Variants in DOCK5 observed in about 807,000 individuals in gnomAD.
DOCK5 encodes dedicator of cytokinesis protein 5.
DOCK5 carries 142 observed loss-of-function variants against 251.8 expected under a neutral mutation model. That is an observed-to-expected ratio of 0.56 (90% CI 0.49 to 0.65). The LOEUF is 0.65. DOCK5 is among the 30% of genes least tolerant of loss of function. The pLI, the probability that DOCK5 is intolerant of heterozygous loss-of-function variation, is 0.00. For synonymous variants in DOCK5, 842 were observed against 835.5 expected, an observed-to-expected ratio of 1.01 and a Z score of -0.13; for missense variants, 2,111 against 2,312.3, an observed-to-expected ratio of 0.91 and a Z score of 1.79.
At chr8:25,288,334 T>G (rs1161213387) in intron 5 of DOCK5, among the ~76,000 whole-genome samples, 1 of 152,248 alleles carries the variant, frequency 6.6e-6, no homozygotes, top group Non-Finnish European at 1.5e-5. Flanking sequence ...GTCCATCTCC[T>G]TGAAGTGAAT....
intron 40 of DOCK5, among the ~76,000 whole-genome samples, chr8:25,387,214 C>T (rs909748887): frequency 2.1e-4 from 24 of 112,294 alleles, no homozygotes; most frequent in Non-Finnish European, 1.5e-4. Context: ...AGAGGTCTCG[C>T]TCTGTCATCC....
Position 25,184,753 on chromosome 8 carries a change from G to A in DOCK5, c.-156G>A, listed in dbSNP as rs1720626498. On this transcript the variant is annotated 5_prime_UTR_variant, in exon 1 of 52. Coordinates refer to ENST00000276440, the MANE Select transcript of DOCK5 (RefSeq NM_024940.8). ...CGGCGCGGGCACGGGCACGGGCGCGGGCGGCGCGGCGAGGAGGCGGCCCGC... is the reference window on the plus strand; with the variant it reads ...CGGCGCGGGCACGGGCACGGGCGCGAGCGGCGCGGCGAGGAGGCGGCCCGC... 4 of 574,238 alleles carry A rather than the reference G, an allele frequency of 7.0e-6. No homozygotes were observed. Among genetic ancestry groups the A allele is most frequent in the Non-Finnish European group, 9.7e-6 (4 of 411,242 alleles). 35.6% of individuals were successfully genotyped at this position (574,238 alleles called of 1,614,324 possible). A position where few individuals can be genotyped will look rare whatever the true frequency, so the allele number is the denominator to read the frequency against.
chr8:25,398,629 C>T (rs1195470384), intron 45 of DOCK5, among the ~76,000 whole-genome samples: 5 of 152,162 alleles, frequency 3.3e-5, no homozygotes, highest in Admixed American at 6.5e-5. Context: ...TGCTCCGTGG[C>T]TTGAGGATGC....
intron 22 of DOCK5, 94 bp downstream of exon 22, chr8:25,336,467 C>A: frequency 6.9e-7 from 1 of 1,449,682 alleles, no homozygotes; most frequent in Non-Finnish European, 9.4e-7. Flanking sequence ...GCTCTGTGAG[C>A]AGTTAGTTCT....
chr8:25,371,539 GTTTTGT>G (rs1165497334), intron 34 of DOCK5, among the ~76,000 whole-genome samples: 1 of 151,994 alleles, frequency 6.6e-6, no homozygotes, highest in Non-Finnish European at 1.5e-5. Flanking sequence ...AGCCTTTCTT[GTTTTGT>G]TTTTAATAGT....
intron 29 of DOCK5, among the ~76,000 whole-genome samples, chr8:25,364,058 G>A (rs988998024): frequency 3.3e-5 from 5 of 152,212 alleles, no homozygotes; most frequent in Admixed American, 6.5e-5. Context: ...CAACACAGAC[G>A]TGAGCCTGTG....
chr8:25,224,026 T>TTGAA (rs1299673932), intron 1 of DOCK5, among the ~76,000 whole-genome samples: 1 of 152,252 alleles, frequency 6.6e-6, no homozygotes, highest in African/African-American at 2.4e-5. Context: ...TTAATATTTG[T>TTGAA]TGAATGAATG....
chr8:25,400,715 T>G (rs1057005894), intron 46 of DOCK5, among the ~76,000 whole-genome samples: 1 of 152,088 alleles, frequency 6.6e-6, no homozygotes, highest in Non-Finnish European at 1.5e-5. Context: ...TTCCCCAGTT[T>G]AGGGCCAACC....
In DOCK5 at chr8:25,356,907, T is replaced by TTATA. The variant is rs34216387; in HGVS notation, c.2851-2020_2851-2017dup. 1.5e-3 allele frequency among the ~76,000 whole-genome samples: 194 copies of TTATA among 131,286 alleles called. 1 individual carries two copies. The highest frequency in any genetic ancestry group is 3.2e-3 in the South Asian group (12 of 3,796). The allele number at this position is 131,286 out of a possible 152,430, so 86.1% of individuals were successfully genotyped here. A position where few individuals can be genotyped will look rare whatever the true frequency, so the allele number is the denominator to read the frequency against. ...AATTTTAAATCCCTCTATATGAAGA[T>TTATA]TATATATATATATATATATATATAT... On this transcript the variant is annotated intron_variant, in intron 27 of 51. Coordinates refer to ENST00000276440, the MANE Select transcript of DOCK5 (RefSeq NM_024940.8).
Position 25,345,455 on chromosome 8 carries a change from G to C in DOCK5, c.2618-20G>C, listed in dbSNP as rs764881622. On this transcript the variant is annotated intron_variant, in intron 25 of 51. Transcript: ENST00000276440. The stretch of plus-strand genomic sequence containing the variant: ...GAGGTGGCACTGCTGTGTGTGAGCT[G>C]TCTGTGTTTTCCTTCTCAGAGTGCA... 6.2e-7 allele frequency: 1 copy of C among 1,612,802 alleles called. No homozygotes were observed. The highest frequency in any genetic ancestry group is 1.1e-5 in the South Asian group (1 of 91,042).
intron 1 of DOCK5, among the ~76,000 whole-genome samples, chr8:25,200,006 G>C (rs559039437): frequency 6.6e-6 from 1 of 152,160 alleles, no homozygotes; most frequent in South Asian, 2.1e-4. Context: ...CACATTTTCT[G>C]TGAACTTATG....
At chr8:25,235,956 CCTGT>C (rs1356382000) in intron 1 of DOCK5, among the ~76,000 whole-genome samples, 2 of 151,912 alleles carry the variant, frequency 1.3e-5, no homozygotes, top group Non-Finnish European at 2.9e-5. Context: ...TGCTGCCATG[CCTGT>C]CTAATTTTTA....
chr8:25,283,246 T>A (rs1390651554), intron 5 of DOCK5, among the ~76,000 whole-genome samples: 2 of 152,120 alleles, frequency 1.3e-5, no homozygotes, highest in Non-Finnish European at 2.9e-5. Flanking sequence ...ATTATTATTG[T>A]TTTCTGTTGG....
intron 42 of DOCK5, among the ~76,000 whole-genome samples, chr8:25,390,675 G>A (rs940938444): frequency 5.3e-5 from 8 of 152,140 alleles, no homozygotes; most frequent in Non-Finnish European, 8.8e-5. Flanking sequence ...CAAAAGCATC[G>A]CAGAGGAGTG....
chr8:25,355,227 C>T (rs561105102), intron 27 of DOCK5, among the ~76,000 whole-genome samples: 3 of 151,948 alleles, frequency 2.0e-5, no homozygotes, highest in Non-Finnish European at 4.4e-5. Flanking sequence ...GAATGAGAAC[C>T]TGTCTCTATT....
chr8:25,355,120 G>C (rs1205360799), intron 27 of DOCK5, among the ~76,000 whole-genome samples: 1 of 152,192 alleles, frequency 6.6e-6, no homozygotes, highest in Non-Finnish European at 1.5e-5. Context: ...TGTAGCCCCA[G>C]CTGCTTAGGA....
rs199977539 is a variant in DOCK5, at chr8:25,337,478, GA to G, written c.2327+1115del. Among the ~76,000 whole-genome samples, 61 of 133,412 alleles carry G rather than the reference GA, an allele frequency of 4.6e-4. No individual in the cohort carries two copies. The East Asian group carries it at 9.6e-3, about 21-fold the overall frequency. 87.5% of individuals were successfully genotyped at this position (133,412 alleles called of 152,430 possible). ...ACCTCATCTAGAAATTTATCTAATGGAAAAAAAAAATCTTATCAGGTATGAC... is the reference window on the plus strand; with the variant it reads ...ACCTCATCTAGAAATTTATCTAATGGAAAAAAAAATCTTATCAGGTATGAC... On this transcript the variant is annotated intron_variant, in intron 22 of 51. Coordinates refer to ENST00000276440, the MANE Select transcript of DOCK5 (RefSeq NM_024940.8).
intron 51 of DOCK5, among the ~76,000 whole-genome samples, 195 bp downstream of exon 51, chr8:25,410,397 G>C (rs1284250187): frequency 6.6e-6 from 1 of 151,884 alleles, no homozygotes; most frequent in African/African-American, 2.4e-5. Context: ...AGATGATGAA[G>C]GTAGAGGCAG....
intron 8 of DOCK5, chr8:25,299,345 A>C (rs1193117324): frequency 2.3e-6 from 1 of 427,288 alleles, no homozygotes; most frequent in Non-Finnish European, 4.1e-6. Flanking sequence ...TAGGGCTTGG[A>C]GATGGGAACA....
Sources: allele counts gnomAD v4.1 joint callset (sites outside exome capture counted in the v4.1 genomes callset), GRCh38; gene constraint gnomAD v4.1.1; transcripts MANE v1.5; gene names NCBI Gene and HGNC (gene_info 2026-07-23, HGNC 2026-07-21).